Variants in DAB2IP observed in about 807,000 individuals in gnomAD.
DAB2IP encodes the protein DAB2 interacting protein, also known as disabled homolog 2-interacting protein.
DAB2IP carries 28 observed loss-of-function variants against 107.2 expected under a neutral mutation model. That is an observed-to-expected ratio of 0.26 (90% CI 0.19 to 0.36). DAB2IP has a LOEUF of 0.36. Among genes scored for constraint, DAB2IP ranks in the 10% least tolerant of loss-of-function variants. The pLI is 1.00. For missense variants in DAB2IP, 1,400 were observed against 1,644.7 expected (o/e 0.85, Z 2.57); for synonymous variants, 755 against 706.4 (o/e 1.07, Z -1.09).
At chr9:121,647,719 G>A (rs1004313187), upstream of DAB2IP, among the ~76,000 whole-genome samples, 10 of 152,032 alleles carry the variant, frequency 6.6e-5, no homozygotes, top group African/African-American at 2.2e-4. Flanking sequence ...TTTTTAAGGA[G>A]GGGGTGCTTC....
chr9:121,602,053 C>CA (rs1313720449), intron 1 of DAB2IP, among the ~76,000 whole-genome samples: 1 of 152,168 alleles, frequency 6.6e-6, no homozygotes, highest in Non-Finnish European at 1.5e-5. Flanking sequence ...CACTCCCCCC[C>CA]AACCCAGGCC....
At chr9:121,657,442 C>T (rs946556267) in intron 1 of DAB2IP, among the ~76,000 whole-genome samples, 1 of 152,138 alleles carries the variant, frequency 6.6e-6, no homozygotes, top group Admixed American at 6.5e-5. Context: ...AATGTGTGCC[C>T]GGCCCCATGC....
chr9:121,569,093 G>A (rs1246940872), intron 1 of DAB2IP, among the ~76,000 whole-genome samples: 1 of 152,230 alleles, frequency 6.6e-6, no homozygotes, highest in Non-Finnish European at 1.5e-5. Flanking sequence ...GGCCCAGCTG[G>A]AGAGGGGTCT....
chr9:121,689,522 C>A (rs1409657448), intron 2 of DAB2IP, among the ~76,000 whole-genome samples: 1 of 150,910 alleles, frequency 6.6e-6, no homozygotes, highest in Non-Finnish European at 1.5e-5. Flanking sequence ...CTCCCTCCCA[C>A]TAGTGTTTAC....
chr9:121,595,845 G>A (rs562883073), intron 1 of DAB2IP, among the ~76,000 whole-genome samples: 4 of 152,264 alleles, frequency 2.6e-5, no homozygotes, highest in South Asian at 2.1e-4. Flanking sequence ...TGGGCATAGC[G>A]GCTCATGCCA....
intron 10 of DAB2IP, among the ~76,000 whole-genome samples, chr9:121,768,915 C>T (rs2118998912): frequency 6.6e-6 from 1 of 152,316 alleles, no homozygotes. Flanking sequence ...GTGCTGCCTG[C>T]CAGAGCATGT....
At chr9:121,637,927 C>A (rs1832146998) in intron 1 of DAB2IP, among the ~76,000 whole-genome samples, 1 of 152,124 alleles carries the variant, frequency 6.6e-6, no homozygotes, top group Non-Finnish European at 1.5e-5. Flanking sequence ...GTGAGCCTGG[C>A]AGGTTCATGA....
chr9:121,703,971 T>C (rs1367237571), intron 3 of DAB2IP, among the ~76,000 whole-genome samples: 1 of 152,240 alleles, frequency 6.6e-6, no homozygotes, highest in African/African-American at 2.4e-5. Context: ...TAGGGATTCC[T>C]GCTTACACCT....
At chr9:121,773,695 C>A (rs1477569618) in intron 12 of DAB2IP, among the ~76,000 whole-genome samples, 200 bp downstream of exon 12, 2 of 152,318 alleles carry the variant, frequency 1.3e-5, no homozygotes, top group South Asian at 2.1e-4. Context: ...ACACTGTAGC[C>A]TTGGGGAACT....
At chr9:121,771,873 C>T (rs1166028041) in intron 11 of DAB2IP, among the ~76,000 whole-genome samples, 3 of 150,922 alleles carry the variant, frequency 2.0e-5, no homozygotes, top group East Asian at 4.0e-4. Flanking sequence ...GCCTTCAGTT[C>T]CCCCCACCCA....
chr9:121,567,380 G>A (rs775075469), intron 1 of DAB2IP: 57 of 1,134,540 alleles, frequency 5.0e-5, no homozygotes, highest in Admixed American at 3.4e-4. Flanking sequence ...GCATGGGTGC[G>A]TTGGGCTATG....
At chr9:121,673,152 G>T (rs933919629) in intron 1 of DAB2IP, among the ~76,000 whole-genome samples, 1 of 152,218 alleles carries the variant, frequency 6.6e-6, no homozygotes, top group African/African-American at 2.4e-5. Flanking sequence ...CTCAGAGAGA[G>T]AAAGGGGCAG....
At chr9:121,582,308 G>A (rs1830215451) in intron 1 of DAB2IP, among the ~76,000 whole-genome samples, 1 of 152,158 alleles carries the variant, frequency 6.6e-6, no homozygotes. Context: ...TGGGGGCCAG[G>A]CCAGGGTGGG....
chr9:121,579,568 G>A (rs558403844), intron 1 of DAB2IP, among the ~76,000 whole-genome samples: 4 of 152,100 alleles, frequency 2.6e-5, no homozygotes, highest in Non-Finnish European at 4.4e-5. Context: ...CTGCCTTGCC[G>A]GTACCACCCA....
intron 3 of DAB2IP, among the ~76,000 whole-genome samples, chr9:121,705,672 A>G (rs901227554): frequency 2.6e-5 from 4 of 152,096 alleles, no homozygotes; most frequent in African/African-American, 9.7e-5. Flanking sequence ...TGTGTGAATA[A>G]GCTCCCCACC....
Position 121,782,436 on chromosome 9 carries a change from A to G in DAB2IP, c.3508A>G (p.Thr1170Ala). Residue 1170 changes from threonine to alanine, a missense_variant, in exon 16 of 16, where the codon ACC becomes GCC. By Grantham distance (58) the Thr-to-Ala change is moderately conservative (BLOSUM62 0). This residue lies in a region of DAB2IP where 600 missense variants were observed against 659.1 expected (regional missense o/e 0.91). Coordinates refer to ENST00000408936, the Ensembl canonical transcript of DAB2IP. The surrounding 1 kb of genome is among the most constrained non-coding windows in gnomAD (Gnocchi z 6.1). ...GCAAGCCCGTAACGGCATCTCCCCC[A>G]CCAACCCCACCAAATTGCAGATTAC... The G allele has an allele frequency of 6.2e-7, 1 of 1,613,986 alleles. No homozygotes were observed. The highest frequency in any genetic ancestry group is 1.1e-5 in the South Asian group (1 of 91,060).
In DAB2IP at chr9:121,776,094, C is replaced by T; in HGVS notation, c.3121-104C>T. On this transcript the variant is annotated intron_variant, in intron 13 of 15. Transcript: ENST00000408936. This position sits in a 1 kb window ranked among gnomAD's most constrained non-coding sequence, Gnocchi z 5.4. ...AGTGGGCGGGTCACAGCCACTGGGG[C>T]CTTTCAAGTGGGGCTCCCTCCTACC... 5 of 1,343,078 alleles carry T rather than the reference C, an allele frequency of 3.7e-6. No homozygotes were observed. The highest frequency in any genetic ancestry group is 4.1e-6 in the Non-Finnish European group (4 of 987,034). The allele number at this position is 1,343,078 out of a possible 1,614,324, so 83.2% of individuals were successfully genotyped here.
In DAB2IP at chr9:121,698,893, G is replaced by T. The variant is rs1829574623; in HGVS notation, c.229-432G>T. On this transcript the variant is annotated intron_variant, in intron 2 of 15. Transcript: ENST00000408936. The surrounding 1 kb of genome is among the most constrained non-coding windows in gnomAD (Gnocchi z 4.1). Reference sequence around the variant, plus strand: ...GGGTGTGGGGGGTGTGACCTCGCACGGGGAGGACAAGCTCGGAGGCGGCAG... The same window carrying T: ...GGGTGTGGGGGGTGTGACCTCGCACTGGGAGGACAAGCTCGGAGGCGGCAG... Among the ~76,000 whole-genome samples, 1 of 152,092 alleles carries T rather than the reference G, an allele frequency of 6.6e-6. No homozygotes were observed. The highest frequency in any genetic ancestry group is 1.5e-5 in the Non-Finnish European group (1 of 67,976).
chr9:121,592,726 G>A lies in DAB2IP; in HGVS notation c.40+25498G>A, dbSNP rs138094771. 1.4e-4 allele frequency among the ~76,000 whole-genome samples: 21 copies of A among 152,348 alleles called. No homozygotes were observed. The East Asian group carries it at 3.1e-3, about 22-fold the overall frequency. On this transcript the variant is annotated intron_variant, in intron 1 of 16. Transcript: ENST00000259371. ...GGAAGAACTCGACAAGTGGACATACGTGGATTTTGCAGATATAGTGCAGAC... is the reference window on the plus strand; with the variant it reads ...GGAAGAACTCGACAAGTGGACATACATGGATTTTGCAGATATAGTGCAGAC...
Sources: allele counts gnomAD v4.1 joint callset (sites outside exome capture counted in the v4.1 genomes callset), GRCh38; gene constraint gnomAD v4.1.1; regional missense constraint gnomAD v4.1.1; non-coding constraint Gnocchi (gnomAD v3.1); transcripts MANE v1.5; gene names NCBI Gene and HGNC (gene_info 2026-07-23, HGNC 2026-07-21).